EXTL3: variants seen among roughly 807,000 people sequenced by gnomAD.
EXTL3 encodes the protein exostosin-like 3.
EXTL3 carries 27 observed loss-of-function variants against 69.3 expected under a neutral mutation model. That is an observed-to-expected ratio of 0.39 (90% CI 0.29 to 0.54). The LOEUF (loss-of-function observed/expected upper bound fraction) is 0.54, where lower values mean the gene tolerates loss of function less well. Ranked by LOEUF, EXTL3 falls within the 20% of genes least tolerant of loss-of-function variation. The pLI is 0.69. For missense variants in EXTL3, 1,003 were observed against 1,231.8 expected, an observed-to-expected ratio of 0.81 and a Z score of 2.78; for synonymous variants, 511 against 499.4, an observed-to-expected ratio of 1.02 and a Z score of -0.31.
chr8:28,638,873 C>T (rs959813555), intron 1 of EXTL3, among the ~76,000 whole-genome samples: 27 of 151,968 alleles, frequency 1.8e-4, no homozygotes, highest in East Asian at 3.9e-4. Flanking sequence ...TCAGGTGATC[C>T]GCCCACCTCA....
chr8:28,661,464 A>G (rs1807114207), intron 1 of EXTL3, among the ~76,000 whole-genome samples: 1 of 152,132 alleles, frequency 6.6e-6, no homozygotes, highest in Admixed American at 6.6e-5. Context: ...AATAAAAAAT[A>G]TCTAAATACA....
chr8:28,663,363 A>G (rs1807146148), intron 1 of EXTL3, among the ~76,000 whole-genome samples: 1 of 152,216 alleles, frequency 6.6e-6, no homozygotes, highest in African/African-American at 2.4e-5. Context: ...TCAGTTGCAG[A>G]AAAGCGGGCC....
upstream of EXTL3, chr8:28,622,586 G>T (rs1298433519): frequency 6.8e-6 from 1 of 147,706 alleles, no homozygotes; most frequent in African/African-American, 2.5e-5. Context: ...GCGGGGCCGG[G>T]AGCCGCCGAG....
Position 28,676,021 on chromosome 8 carries a change from CAAA to C in EXTL3, c.-52-37421_-52-37419del, listed in dbSNP as rs386412447. On this transcript the variant is annotated intron_variant, in intron 1 of 6. Transcript: ENST00000523149. ...TGGGTGACAGAGTGAGACTCCATCT[CAAA>C]AAAAAAAAAAAAAAGAAGAAAAAAG... is the stretch of plus-strand genomic sequence containing the variant. 1.7e-3 allele frequency among the ~76,000 whole-genome samples: 181 copies of C among 105,388 alleles called. 1 individual carries two copies. The highest frequency in any genetic ancestry group is 6.3e-3 in the African/African-American group (165 of 26,206). The allele number at this position is 105,388 out of a possible 152,430, so 69.1% of individuals were successfully genotyped here.
At chr8:28,739,201 CTT>C (rs1801723294) in intron 5 of EXTL3, among the ~76,000 whole-genome samples, 1 of 152,224 alleles carries the variant, frequency 6.6e-6, no homozygotes, top group Admixed American at 6.5e-5. Flanking sequence ...TTCAGGTAAA[CTT>C]TTCCCAGGAA....
At chr8:28,708,103 A>C (rs1481968475) in intron 1 of EXTL3, among the ~76,000 whole-genome samples, 1 of 152,234 alleles carries the variant, frequency 6.6e-6, no homozygotes, top group Non-Finnish European at 1.5e-5. Flanking sequence ...CCTACTCTTA[A>C]GCCCAAAGAA....
At chr8:28,710,419 A>G (rs1269557890) in intron 1 of EXTL3, 1 of 455,456 alleles carries the variant, frequency 2.2e-6, no homozygotes, top group African/African-American at 2.0e-5. Flanking sequence ...GGACATGGGC[A>G]GGAAGTGTAA....
At chr8:28,656,566 GT>G (rs1563437812) in intron 1 of EXTL3, among the ~76,000 whole-genome samples, 1 of 152,134 alleles carries the variant, frequency 6.6e-6, no homozygotes. Context: ...AAAGGGGGAA[GT>G]TTTTTGCTAT....
intron 1 of EXTL3, among the ~76,000 whole-genome samples, chr8:28,706,615 A>T (rs1309705976): frequency 6.6e-6 from 1 of 152,232 alleles, no homozygotes; most frequent in East Asian, 1.9e-4. Context: ...ACCAGATATT[A>T]TAATTTTACA....
rs963409848 is a variant in EXTL3, at chr8:28,750,152, T to C, written c.2551-505T>C. ...AGACATTTTCTAATTAATAATAATA[T>C]GACTAGACTGTAGTATGGCCACTTT... On this transcript the variant is annotated intron_variant, in intron 6 of 6. Coordinates refer to ENST00000220562, the MANE Select transcript of EXTL3 (RefSeq NM_001440.4). This position sits in a 1 kb window ranked among gnomAD's most constrained non-coding sequence, Gnocchi z 5.2. Among the ~76,000 whole-genome samples, 7 of 152,260 alleles carry C rather than the reference T, an allele frequency of 4.6e-5. No homozygotes were observed. The highest frequency in any genetic ancestry group is 1.0e-4 in the Non-Finnish European group (7 of 68,052).
intron 2 of EXTL3, among the ~76,000 whole-genome samples, chr8:28,613,342 C>T (rs1806294033): frequency 6.6e-6 from 1 of 152,050 alleles, no homozygotes; most frequent in African/African-American, 2.4e-5. Flanking sequence ...TGCTACCACG[C>T]CCAGCTAATT....
chr8:28,724,625 G>GA, intron 3 of EXTL3, among the ~76,000 whole-genome samples: 2 of 150,102 alleles, frequency 1.3e-5, no homozygotes, highest in Middle Eastern at 3.4e-3. Flanking sequence ...AAAAGAAGAA[G>GA]AAAAAAAGAA....
chr8:28,666,162 G>A (rs1019778680), intron 1 of EXTL3, among the ~76,000 whole-genome samples: 13 of 152,152 alleles, frequency 8.5e-5, no homozygotes, highest in Non-Finnish European at 1.9e-4. Context: ...ATTTCAATGG[G>A]TCCTTGAATG....
At position 28,718,424 on chromosome 8, in the gene EXTL3, C is replaced by T. The variant is rs1222746493; in HGVS notation, c.2148+217C>T. ...TGTGGCTGTTACTCACTTCCTAAAT[C>T]GAGGATCCCCAAAACTGAAACTGAT... On this transcript the variant is annotated intron_variant, in intron 3 of 6. Coordinates refer to ENST00000220562, the MANE Select transcript of EXTL3 (RefSeq NM_001440.4). Among the ~76,000 whole-genome samples, 6 of 152,070 alleles carry T rather than the reference C, an allele frequency of 3.9e-5. No homozygotes were observed. In the East Asian group the frequency reaches 9.7e-4, roughly 24 times the overall value.
intron 1 of EXTL3, among the ~76,000 whole-genome samples, chr8:28,705,855 T>C (rs150990847): frequency 2.0e-3 from 302 of 152,330 alleles, no homozygotes; most frequent in Non-Finnish European, 3.2e-3. Flanking sequence ...ACGCATCTCA[T>C]TTTAGGAGGG....
intron 1 of EXTL3, among the ~76,000 whole-genome samples, chr8:28,692,422 A>G (rs992057166): frequency 2.6e-5 from 4 of 152,212 alleles, no homozygotes; most frequent in Non-Finnish European, 5.9e-5. Flanking sequence ...ATTAATTTTG[A>G]GTAATATTTA....
chr8:28,734,097 C>T (rs1310488027), intron 4 of EXTL3, among the ~76,000 whole-genome samples: 2 of 152,164 alleles, frequency 1.3e-5, no homozygotes, highest in East Asian at 3.9e-4. Context: ...GGATTACAGG[C>T]ATGAGCCACC....
intron 1 of EXTL3, among the ~76,000 whole-genome samples, chr8:28,668,259 C>CAA (rs71549685): frequency 0.015 from 957 of 64,244 alleles, 20 homozygotes; most frequent in African/African-American, 0.04. Context: ...GGTCCTGTCT[C>CAA]AAAAAAAAAA....
chr8:28,742,865 C>A, intron 5 of EXTL3: 1 of 555,642 alleles, frequency 1.8e-6, no homozygotes, highest in Non-Finnish European at 3.3e-6. Context: ...CATTCTGTTA[C>A]TAAAGGGGGT....
Sources: allele counts gnomAD v4.1 joint callset (sites outside exome capture counted in the v4.1 genomes callset), GRCh38; gene constraint gnomAD v4.1.1; non-coding constraint Gnocchi (gnomAD v3.1); transcripts MANE v1.5; gene names NCBI Gene and HGNC (gene_info 2026-07-23, HGNC 2026-07-21).